The following NBEA variants were observed in gnomAD, a reference collection of about 807,000 sequenced individuals.
NBEA encodes the protein neurobeachin.
In NBEA, 44 loss-of-function variants were observed where a neutral mutation model predicts 343.4. The observed-to-expected ratio is 0.13, with a 90% CI of 0.10 to 0.16. NBEA has a LOEUF of 0.16. NBEA is among the 10% of genes least tolerant of loss of function. NBEA has a pLI of 1.00. For synonymous variants in NBEA, 1,175 were observed against 1,238.7 expected (o/e 0.95, Z 1.08); for missense variants, 2,555 against 3,631.3 (o/e 0.70, Z 7.62).
intron 1 of NBEA, among the ~76,000 whole-genome samples, chr13:34,950,839 A>G (rs986510425): frequency 6.6e-6 from 1 of 152,160 alleles, no homozygotes; most frequent in Non-Finnish European, 1.5e-5. Context: ...CTGTAATTCC[A>G]GCACTTTGGG....
In NBEA at chr13:35,617,171, G is replaced by A. The variant is rs993982181; in HGVS notation, c.7449+10593G>A. Among the ~76,000 whole-genome samples the A allele has an allele frequency of 3.3e-5, 5 of 152,310 alleles. No homozygotes were observed. The South Asian group carries it at 8.3e-4, about 25-fold the overall frequency. ...TAAGTTCCAACTTGTGTTCATGAAG[G>A]AATGAGAGAAGCAAGGCACTGCAGT... is the stretch of plus-strand genomic sequence containing the variant. On this transcript the variant is annotated intron_variant, in intron 48 of 58. Transcript: ENST00000379939.
intron 1 of NBEA, among the ~76,000 whole-genome samples, chr13:35,020,213 A>C (rs2061790702): frequency 6.6e-6 from 1 of 152,104 alleles, no homozygotes; most frequent in Admixed American, 6.5e-5. Context: ...ATTTTTATTT[A>C]GCTCAAAAAT....
chr13:35,267,429 A>G lies in NBEA; in HGVS notation c.5777-22960A>G, dbSNP rs138462855. 7.0e-3 allele frequency among the ~76,000 whole-genome samples: 1,071 copies of G among 152,102 alleles called. 7 individuals carry two copies. Among genetic ancestry groups the G allele is most frequent in the South Asian group, 0.031 (150 of 4,830 alleles). ...AAAATACTCCAAGGAGAAAAGCATT[A>G]GGGCATTGGATTTGGCAATTATATC... is the stretch of plus-strand genomic sequence containing the variant. On this transcript the variant is annotated intron_variant, in intron 34 of 58. Coordinates refer to ENST00000379939, the MANE Select transcript of NBEA (RefSeq NM_001385012.1).
intron 10 of NBEA, among the ~76,000 whole-genome samples, chr13:35,073,585 A>G (rs1312113388): frequency 6.6e-6 from 1 of 152,110 alleles, no homozygotes; most frequent in Non-Finnish European, 1.5e-5. Context: ...CTCTGTTGGC[A>G]CTACTACTTT....
chr13:35,045,125 C>A, intron 3 of NBEA, 78 bp downstream of exon 3: 3 of 1,301,194 alleles, frequency 2.3e-6, no homozygotes, highest in Non-Finnish European at 3.2e-6. Flanking sequence ...CTCTAGAGAG[C>A]TATATACTTG....
At chr13:35,261,182 A>C (rs1481891091) in intron 34 of NBEA, among the ~76,000 whole-genome samples, 1 of 152,194 alleles carries the variant, frequency 6.6e-6, no homozygotes. Context: ...TTAAAAGACA[A>C]GGATTGTCAG....
At chr13:35,002,662 A>G (rs1456207840) in intron 1 of NBEA, among the ~76,000 whole-genome samples, 5 of 152,346 alleles carry the variant, frequency 3.3e-5, no homozygotes, top group Admixed American at 6.5e-5. Context: ...AATCATTATA[A>G]CTAGGCTCAA....
intron 24 of NBEA, among the ~76,000 whole-genome samples, chr13:35,167,780 T>C (rs191984236): frequency 6.6e-6 from 1 of 151,856 alleles, no homozygotes; most frequent in African/African-American, 2.4e-5. Flanking sequence ...ATTGTTTAAC[T>C]TGGTCATAAA....
chr13:35,577,628 A>AT (rs200389112), intron 45 of NBEA, among the ~76,000 whole-genome samples: 16,107 of 151,940 alleles, frequency 0.11, 1,040 homozygotes, highest in African/African-American at 0.18. Flanking sequence ...TTTTTCTAAA[A>AT]TTTCCACATG....
At chr13:35,475,499 C>A (rs1229715932) in intron 41 of NBEA, 1 of 1,612,456 alleles carries the variant, frequency 6.2e-7, no homozygotes, top group Non-Finnish European at 8.5e-7. Context: ...GAGTGGCACT[C>A]CTTGGACAAG....
intron 8 of NBEA, among the ~76,000 whole-genome samples, chr13:35,065,175 T>G (rs2063605792): frequency 6.6e-6 from 1 of 151,948 alleles, no homozygotes; most frequent in African/African-American, 2.4e-5. Flanking sequence ...GAGAAATGCA[T>G]TTTGATACTA....
intron 8 of NBEA, 137 bp from the exon 9 acceptor site, chr13:35,069,771 A>G: frequency 2.2e-6 from 1 of 455,066 alleles, no homozygotes; most frequent in Non-Finnish European, 3.8e-6. Flanking sequence ...TAACAAAGTA[A>G]GTAATACCAC....
At chr13:35,029,999 CTG>C (rs2062148386) in intron 1 of NBEA, among the ~76,000 whole-genome samples, 1 of 151,624 alleles carries the variant, frequency 6.6e-6, no homozygotes, top group African/African-American at 2.4e-5. Flanking sequence ...ACACCGTTAA[CTG>C]TGCAAATAGA....
At chr13:35,592,283 T>C (rs1403387845) in intron 46 of NBEA, among the ~76,000 whole-genome samples, 2 of 152,180 alleles carry the variant, frequency 1.3e-5, no homozygotes, top group African/African-American at 2.4e-5. Context: ...GTACTTACTT[T>C]ATTCTTCGTT....
intron 38 of NBEA, among the ~76,000 whole-genome samples, chr13:35,376,733 G>A (rs1028294870): frequency 3.3e-5 from 5 of 152,150 alleles, no homozygotes; most frequent in African/African-American, 4.8e-5. Flanking sequence ...TAGAATGGAG[G>A]AGGTGGTTAG....
chr13:35,404,497 A>G (rs2043163349), intron 38 of NBEA, among the ~76,000 whole-genome samples: 1 of 151,110 alleles, frequency 6.6e-6, no homozygotes, highest in Admixed American at 6.6e-5. Flanking sequence ...GTAAACTATC[A>G]CAAGAACAAA....
At chr13:35,470,774 G>A (rs914430318) in intron 40 of NBEA, among the ~76,000 whole-genome samples, 3 of 152,240 alleles carry the variant, frequency 2.0e-5, no homozygotes, top group African/African-American at 4.8e-5. Flanking sequence ...GCGCCGCCAA[G>A]CGCGCGCACA....
At chr13:35,615,107 AACCCC>A (rs1359722608) in intron 48 of NBEA, among the ~76,000 whole-genome samples, 1 of 146,270 alleles carries the variant, frequency 6.8e-6, no homozygotes, top group Non-Finnish European at 1.5e-5. Flanking sequence ...AACATGTTGA[AACCCC>A]ATCTCTACTA....
chr13:35,628,297 A>G, intron 49 of NBEA, 49 bp downstream of exon 49: 1 of 1,332,788 alleles, frequency 7.5e-7, no homozygotes, highest in Non-Finnish European at 1.0e-6. Flanking sequence ...CATCTCTCAA[A>G]CACAAATTTG....
Sources: allele counts gnomAD v4.1 joint callset (sites outside exome capture counted in the v4.1 genomes callset), GRCh38; gene constraint gnomAD v4.1.1; transcripts MANE v1.5; gene names NCBI Gene and HGNC (gene_info 2026-07-23, HGNC 2026-07-21).